The following ZGPAT variants were observed in gnomAD, a reference collection of about 807,000 sequenced individuals.
ZGPAT encodes the protein zinc finger CCCH-type and G-patch domain containing, also known as zinc finger CCCH-type with G patch domain-containing protein.
A neutral mutation model predicts 47.9 loss-of-function variants in ZGPAT; 39 were observed. That is an observed-to-expected ratio of 0.81 (90% CI 0.63 to 1.06). The LOEUF (loss-of-function observed/expected upper bound fraction) is 1.06. Ranked by LOEUF, ZGPAT falls within the 50% of genes least tolerant of loss-of-function variation. The pLI is 0.00. For missense variants in ZGPAT, 717 were observed against 681.4 expected (o/e 1.05, Z -0.58); for synonymous variants, 348 against 292.9 (o/e 1.19, Z -1.92).
intron 2 of ZGPAT, among the ~76,000 whole-genome samples, chr20:63,727,907 T>C (rs1320387502): frequency 6.6e-6 from 1 of 152,124 alleles, no homozygotes; most frequent in Non-Finnish European, 1.5e-5. Context: ...AGATGATCTA[T>C]GTCTGGATTC....
intron 2 of ZGPAT, among the ~76,000 whole-genome samples, chr20:63,714,921 G>T (rs566584654): frequency 1.3e-5 from 2 of 152,022 alleles, no homozygotes; most frequent in South Asian, 2.1e-4. Context: ...GATTACAGGG[G>T]TGAGTCACTG....
At chr20:63,713,209 C>G (rs73622873) in intron 2 of ZGPAT, among the ~76,000 whole-genome samples, 1 of 150,338 alleles carries the variant, frequency 6.7e-6, no homozygotes, top group Non-Finnish European at 1.5e-5. Flanking sequence ...TAGCTGGGAT[C>G]ACAGGTGCCT....
chr20:63,734,969 C>G, intron 5 of ZGPAT, 145 bp downstream of exon 5: 1 of 1,330,986 alleles, frequency 7.5e-7, no homozygotes, highest in Non-Finnish European at 1.0e-6. Flanking sequence ...TCCTCAGATT[C>G]CCGGGGTCCC....
At chr20:63,730,955 TCTCTCTC>T (rs2091893435) in intron 2 of ZGPAT, among the ~76,000 whole-genome samples, 1 of 147,612 alleles carries the variant, frequency 6.8e-6, no homozygotes, top group South Asian at 2.1e-4. Context: ...TCTCTCTCTC[TCTCTCTC>T]TCTCTCTCTG....
At chr20:63,715,657 A>G (rs533875468) in intron 2 of ZGPAT, among the ~76,000 whole-genome samples, 136 of 152,278 alleles carry the variant, frequency 8.9e-4, no homozygotes, top group Middle Eastern at 6.8e-3. Context: ...ATTGGTCTGT[A>G]GTTTTCTTTT....
At chr20:63,733,400 C>G in intron 3 of ZGPAT, 48 bp downstream of exon 3, 4 of 1,602,038 alleles carry the variant, frequency 2.5e-6, no homozygotes, top group Non-Finnish European at 3.4e-6. Flanking sequence ...CCAGGCCCCA[C>G]GTGTGTTGTC....
intron 2 of ZGPAT, among the ~76,000 whole-genome samples, chr20:63,724,794 C>T (rs1322951422): frequency 6.6e-6 from 1 of 151,634 alleles, no homozygotes; most frequent in Non-Finnish European, 1.5e-5. Context: ...CTGCCTCAGC[C>T]TCCCAAGTAG....
chr20:63,733,139 G>T, intron 2 of ZGPAT, 80 bp from the exon 3 acceptor site: 1 of 1,560,358 alleles, frequency 6.4e-7, no homozygotes. Context: ...CAGTGCCCAG[G>T]CGGATGGGTC....
At chr20:63,734,978 C>A in intron 5 of ZGPAT, 154 bp downstream of exon 5, 2 of 1,335,190 alleles carry the variant, frequency 1.5e-6, no homozygotes, top group Non-Finnish European at 9.9e-7. Flanking sequence ...TCCCGGGGTC[C>A]CGCGGCCACA....
rs563734498 is a variant in ZGPAT, at chr20:63,725,063, C to T, written c.585-8156C>T. 4.0e-5 allele frequency among the ~76,000 whole-genome samples: 6 copies of T among 150,542 alleles called. No individual in the cohort carries two copies. The East Asian group carries it at 7.9e-4, about 20-fold the overall frequency. ...GCAGTGGCACGATCTCGGCTCACTGCGAGCTCCGCCTCCCGGGTTCACGCC... is the reference window on the plus strand; with the variant it reads ...GCAGTGGCACGATCTCGGCTCACTGTGAGCTCCGCCTCCCGGGTTCACGCC... On this transcript the variant is annotated intron_variant, in intron 2 of 6. Coordinates refer to ENST00000355969, the MANE Select transcript of ZGPAT (RefSeq NM_181485.3).
At chr20:63,732,075 C>T (rs1404914775) in intron 2 of ZGPAT, among the ~76,000 whole-genome samples, 2 of 151,254 alleles carry the variant, frequency 1.3e-5, no homozygotes, top group East Asian at 4.1e-4. Flanking sequence ...TGTGTATATG[C>T]ATGCCATGTG....
intron 3 of ZGPAT, 66 bp from the exon 4 acceptor site, chr20:63,733,521 A>G (rs73141846): frequency 1.1e-5 from 18 of 1,612,940 alleles, no homozygotes; most frequent in Non-Finnish European, 1.5e-5. Context: ...CCTCATGTCC[A>G]GGGTGGTTCC....
chr20:63,735,762 C>G lies in ZGPAT; in HGVS notation c.1398-19C>G. The stretch of plus-strand genomic sequence containing the variant: ...GGCATGGCCCAGGACCCCACGCTGA[C>G]TAGTGAGCCCCTCCGCAGGCATAGC... On this transcript the variant is annotated intron_variant, in intron 6 of 6. Coordinates refer to ENST00000355969, the MANE Select transcript of ZGPAT (RefSeq NM_181485.3). The G allele has an allele frequency of 5.1e-6, 8 of 1,582,392 alleles. No homozygotes were observed. The highest frequency in any genetic ancestry group is 6.0e-6 in the Non-Finnish European group (7 of 1,165,464).
At chr20:63,726,515 T>TTTTG (rs56397565) in intron 2 of ZGPAT, among the ~76,000 whole-genome samples, 99,849 of 146,736 alleles carry the variant, frequency 0.68, 34,339 homozygotes, top group Middle Eastern at 0.74. Flanking sequence ...TTAATAGGCT[T>TTTTG]TTTGTTTGTT....
At chr20:63,708,483 G>T (rs1247323951) in intron 1 of ZGPAT, 70 bp from the exon 2 acceptor site, 2 of 1,141,154 alleles carry the variant, frequency 1.8e-6, no homozygotes, top group South Asian at 1.6e-5. Context: ...ACGTGCCCGT[G>T]CCCGTGCCCG....
intron 4 of ZGPAT, 163 bp downstream of exon 4, chr20:63,733,902 C>A: frequency 1.2e-6 from 1 of 864,672 alleles, no homozygotes; most frequent in Non-Finnish European, 1.7e-6. Flanking sequence ...AGGGGTAGAT[C>A]CGTGGCGGCC....
chr20:63,718,541 G>A (rs1412931057), intron 2 of ZGPAT, among the ~76,000 whole-genome samples: 3 of 151,640 alleles, frequency 2.0e-5, no homozygotes, highest in Non-Finnish European at 2.9e-5. Flanking sequence ...GACTGGTCTC[G>A]AATTCCTGAC....
At position 63,728,287 on chromosome 20, in the gene ZGPAT, C is replaced by T. The variant is rs940407811; in HGVS notation, c.585-4932C>T. 9.9e-5 allele frequency among the ~76,000 whole-genome samples: 15 copies of T among 152,270 alleles called. No individual in the cohort carries two copies. In the East Asian group the frequency reaches 1.7e-3, roughly 18 times the overall value. On this transcript the variant is annotated intron_variant, in intron 2 of 6. Coordinates refer to ENST00000355969, the MANE Select transcript of ZGPAT (RefSeq NM_181485.3). Reference sequence around the variant, plus strand: ...TCCTGACCTTGTGATCCGCCCACCTCGGCCTCTCAAAGTGCTCGGATTACA... The same window carrying T: ...TCCTGACCTTGTGATCCGCCCACCTTGGCCTCTCAAAGTGCTCGGATTACA...
chr20:63,736,051 GCGGGGTCCCAT>G lies in ZGPAT; in HGVS notation c.*134_*144del, dbSNP rs2091987340. 1 of 1,337,046 alleles carries G rather than the reference GCGGGGTCCCAT, an allele frequency of 7.5e-7. No homozygotes were observed. Among genetic ancestry groups the G allele is most frequent in the Non-Finnish European group, 1.0e-6 (1 of 989,440 alleles). The allele number at this position is 1,337,046 out of a possible 1,614,324, so 82.8% of individuals were successfully genotyped here. On this transcript the variant is annotated 3_prime_UTR_variant, in exon 7 of 7. Coordinates refer to ENST00000355969, the MANE Select transcript of ZGPAT (RefSeq NM_181485.3). ...GACACTGCTGAGTGGAGACAGAGCT[GCGGGGTCCCAT>G]CTGGACACTTACTTGCCCACCTGCC...
Sources: allele counts gnomAD v4.1 joint callset (sites outside exome capture counted in the v4.1 genomes callset), GRCh38; gene constraint gnomAD v4.1.1; transcripts MANE v1.5; gene names NCBI Gene and HGNC (gene_info 2026-07-23, HGNC 2026-07-21).